The following DGKB variants were observed in gnomAD, a reference collection of about 807,000 sequenced individuals.
The protein encoded by DGKB is diacylglycerol kinase beta, also known as 90 kDa diacylglycerol kinase.
DGKB carries 67 observed loss-of-function variants against 114.3 expected under a neutral mutation model. That is an observed-to-expected ratio of 0.59 (90% CI 0.48 to 0.72). DGKB has a LOEUF of 0.72. DGKB is among the 30% of genes least tolerant of loss of function. The pLI, the probability that DGKB is intolerant of heterozygous loss-of-function variation, is 0.00. For synonymous variants in DGKB, 398 were observed against 323.1 expected, an observed-to-expected ratio of 1.23 and a Z score of -2.49; for missense variants, 907 against 975.2, an observed-to-expected ratio of 0.93 and a Z score of 0.93.
chr7:14,734,628 T>C (rs1056390337), intron 5 of DGKB, among the ~76,000 whole-genome samples: 46 of 152,348 alleles, frequency 3.0e-4, no homozygotes, highest in African/African-American at 1.1e-3. Flanking sequence ...TTTGCAATTA[T>C]GCAAAACAAT....
chr7:14,461,980 C>T (rs1444989410), intron 21 of DGKB, among the ~76,000 whole-genome samples: 3 of 152,152 alleles, frequency 2.0e-5, no homozygotes, highest in Non-Finnish European at 4.4e-5. Flanking sequence ...TAATCCATCA[C>T]ATAAACAGAA....
intron 2 of DGKB, among the ~76,000 whole-genome samples, chr7:14,812,925 C>G (rs1407465592): frequency 6.6e-6 from 1 of 152,186 alleles, no homozygotes; most frequent in Non-Finnish European, 1.5e-5. Context: ...CAATCCACAA[C>G]TCACTTTCCA....
At chr7:14,166,090 A>G (rs2128229809) in intron 25 of DGKB, among the ~76,000 whole-genome samples, 1 of 152,320 alleles carries the variant, frequency 6.6e-6, no homozygotes, top group East Asian at 1.9e-4. Flanking sequence ...GTATAGTCTA[A>G]AAGTGTCTTA....
chr7:14,743,217 G>A (rs1442770747), intron 4 of DGKB, among the ~76,000 whole-genome samples: 1 of 151,990 alleles, frequency 6.6e-6, no homozygotes, highest in Admixed American at 6.6e-5. Flanking sequence ...GTAAAATTTG[G>A]CTCTCTCTCT....
chr7:14,676,795 G>C (rs1411510916), intron 12 of DGKB, among the ~76,000 whole-genome samples: 3 of 151,262 alleles, frequency 2.0e-5, no homozygotes, highest in Non-Finnish European at 4.4e-5. Context: ...ATGAACTACA[G>C]CATTGAAGAT....
intron 2 of DGKB, among the ~76,000 whole-genome samples, chr7:14,788,917 G>C (rs1026746609): frequency 3.3e-5 from 5 of 152,010 alleles, no homozygotes; most frequent in Admixed American, 6.6e-5. Context: ...TACAATAGCA[G>C]TCTTCTCCCC....
intron 23 of DGKB, among the ~76,000 whole-genome samples, chr7:14,267,429 A>G (rs1462781931): frequency 2.9e-4 from 44 of 151,644 alleles, no homozygotes; most frequent in Admixed American, 2.9e-3. Flanking sequence ...GACTAGCCCA[A>G]TTGCTGGCCC....
chr7:14,341,606 G>T (rs1041949231), intron 22 of DGKB, among the ~76,000 whole-genome samples: 12 of 151,856 alleles, frequency 7.9e-5, no homozygotes, highest in African/African-American at 2.9e-4. Context: ...AGAGTGCAAG[G>T]CTGTGATGCC....
intron 23 of DGKB, among the ~76,000 whole-genome samples, chr7:14,239,683 A>G (rs181657274): frequency 1.3e-5 from 2 of 152,214 alleles, no homozygotes; most frequent in Admixed American, 1.3e-4. Context: ...CCTGGAATCT[A>G]CACTAACTTG....
intron 5 of DGKB, among the ~76,000 whole-genome samples, chr7:14,733,619 C>G (rs1180883676): frequency 6.6e-6 from 1 of 151,912 alleles, no homozygotes; most frequent in East Asian, 1.9e-4. Context: ...ATCCAGAAGG[C>G]AGAGGTTGCA....
intron 23 of DGKB, among the ~76,000 whole-genome samples, chr7:14,198,858 G>A (rs1306906583): frequency 6.6e-6 from 1 of 151,976 alleles, no homozygotes; most frequent in East Asian, 1.9e-4. Flanking sequence ...GGGGGAACCT[G>A]GAAGGACAGG....
intron 14 of DGKB, among the ~76,000 whole-genome samples, chr7:14,625,562 CA>C (rs1327225375): frequency 6.6e-6 from 1 of 152,088 alleles, no homozygotes; most frequent in Non-Finnish European, 1.5e-5. Context: ...CACAATCATT[CA>C]GGATAAAATT....
rs542155883 is a variant in DGKB, at chr7:14,151,941, C to T, written c.2305-2703G>A. 1.2e-4 allele frequency among the ~76,000 whole-genome samples: 18 copies of T among 152,078 alleles called. No homozygotes were observed. In the South Asian group the frequency reaches 1.5e-3, roughly 12 times the overall value. On this transcript the variant is annotated intron_variant, in intron 25 of 25. Coordinates refer to ENST00000402815, the MANE Select transcript of DGKB (RefSeq NM_001350709.2). ...AGTAATTCCAAGCCACATGGATTGT[C>T]GGTGTCACAGTTACAGAAATTCCAG... is the stretch of plus-strand genomic sequence containing the variant.
chr7:14,324,067 T>C (rs541393606), intron 23 of DGKB, among the ~76,000 whole-genome samples: 12 of 152,188 alleles, frequency 7.9e-5, no homozygotes, highest in Non-Finnish European at 1.3e-4. Context: ...ATTAGTTAAG[T>C]TGAGGGAAAA....
intron 2 of DGKB, among the ~76,000 whole-genome samples, chr7:14,767,325 A>G (rs1055746902): frequency 2.6e-5 from 4 of 151,852 alleles, no homozygotes; most frequent in African/African-American, 9.7e-5. Flanking sequence ...CAGTTTACCT[A>G]AGTAGGAAGG....
chr7:14,278,841 T>C (rs557982618), intron 23 of DGKB, among the ~76,000 whole-genome samples: 1 of 151,894 alleles, frequency 6.6e-6, no homozygotes, highest in Non-Finnish European at 1.5e-5. Flanking sequence ...GTGGGTAAAA[T>C]GTTTATTATT....
At chr7:14,325,309 T>C (rs1429528510) in intron 23 of DGKB, among the ~76,000 whole-genome samples, 1 of 152,128 alleles carries the variant, frequency 6.6e-6, no homozygotes, top group Non-Finnish European at 1.5e-5. Flanking sequence ...TTTGGTTATA[T>C]GGTTCCGAGG....
At chr7:14,538,618 A>C (rs1792927208) in intron 20 of DGKB, among the ~76,000 whole-genome samples, 1 of 152,194 alleles carries the variant, frequency 6.6e-6, no homozygotes, top group Non-Finnish European at 1.5e-5. Flanking sequence ...TGTTCTAGTG[A>C]TCCCACTTTT....
intron 23 of DGKB, among the ~76,000 whole-genome samples, chr7:14,280,490 G>A (rs1799772822): frequency 6.7e-6 from 1 of 149,362 alleles, no homozygotes; most frequent in South Asian, 2.2e-4. Context: ...CCAACATTCA[G>A]ATTCAGGAAA....
Sources: gnomAD v4.1 joint callset for allele counts (sites outside exome capture counted in the v4.1 genomes callset) on GRCh38, gnomAD v4.1.1 for gene constraint, MANE v1.5 for transcripts, NCBI Gene and HGNC (gene_info 2026-07-23, HGNC 2026-07-21) for gene names.